The following CFAP161 variants were observed in gnomAD, a reference collection of about 807,000 sequenced individuals.
CFAP161 encodes the protein cilia- and flagella-associated protein 161.
Under a neutral mutation model 29.0 loss-of-function variants are expected in CFAP161, and 25 were observed. The observed-to-expected ratio is 0.86, with a 90% CI of 0.63 to 1.20. The LOEUF (loss-of-function observed/expected upper bound fraction) is 1.20. Ranked by LOEUF, CFAP161 falls within the 50% of genes most tolerant of loss-of-function variation. The pLI is 0.00. For synonymous variants in CFAP161, 116 were observed against 137.4 expected, an observed-to-expected ratio of 0.84 and a Z score of 1.09; for missense variants, 367 against 371.9, an observed-to-expected ratio of 0.99 and a Z score of 0.11.
intron 1 of CFAP161, among the ~76,000 whole-genome samples, chr15:81,102,927 G>T (rs778528519): frequency 3.5e-4 from 54 of 152,266 alleles, no homozygotes; most frequent in South Asian, 2.1e-4. Context: ...TATAGACATA[G>T]AACATCCAAA....
intron 5 of CFAP161, among the ~76,000 whole-genome samples, chr15:81,145,111 G>A (rs1894985150): frequency 6.6e-6 from 1 of 152,176 alleles, no homozygotes; most frequent in Non-Finnish European, 1.5e-5. Flanking sequence ...GCATGGCCAG[G>A]GTTCGCTTGC....
chr15:81,117,388 A>G (rs1403612926), intron 1 of CFAP161, among the ~76,000 whole-genome samples: 2 of 152,168 alleles, frequency 1.3e-5, no homozygotes, highest in Non-Finnish European at 2.9e-5. Context: ...AGTCTCACAC[A>G]AAAAGCTAAC....
chr15:81,129,842 C>G (rs558667867), upstream of CFAP161, among the ~76,000 whole-genome samples: 2 of 142,278 alleles, frequency 1.4e-5, no homozygotes, highest in Non-Finnish European at 3.2e-5. Flanking sequence ...TGTGAAAGTC[C>G]TAGATGACAT....
intron 5 of CFAP161, among the ~76,000 whole-genome samples, chr15:81,147,270 C>G (rs531466844): frequency 6.6e-6 from 1 of 152,062 alleles, no homozygotes; most frequent in African/African-American, 2.4e-5. Context: ...TGTTGTTGTT[C>G]TTTCTTTCTT....
chr15:81,131,054 A>G (rs1026762020), upstream of CFAP161, among the ~76,000 whole-genome samples: 9 of 151,862 alleles, frequency 5.9e-5, no homozygotes, highest in Non-Finnish European at 1.2e-4. Context: ...TGTGACACAG[A>G]GACGTGAAGT....
chr15:81,110,556 CAGACTG>C (rs1567151079), intron 1 of CFAP161, among the ~76,000 whole-genome samples: 1 of 152,164 alleles, frequency 6.6e-6, no homozygotes, highest in Non-Finnish European at 1.5e-5. Flanking sequence ...CTCTCTTAGG[CAGACTG>C]AGACTAAACA....
chr15:81,138,129 C>T lies in CFAP161; in HGVS notation c.471C>T (p.Asn157=). ...TGGGGATAACAGGAGGATTTGACAA[C>T]AAAATGGTGAGTTATCACTTTGCAT... The part of the protein sequence containing the change: ...FCLGITGGFD[N]KMLYLSSDHR... The change falls in exon 4 of 7, where the codon AAC becomes AAT. Residue 157 remains asparagine (N), a synonymous_variant. Transcript: ENST00000286732. 6.2e-7 allele frequency: 1 copy of T among 1,608,968 alleles called. No individual in the cohort carries two copies. Among genetic ancestry groups the T allele is most frequent in the Non-Finnish European group, 8.5e-7 (1 of 1,175,352 alleles).
chr15:81,146,946 T>C (rs1351938100), intron 5 of CFAP161, among the ~76,000 whole-genome samples: 3 of 146,004 alleles, frequency 2.1e-5, no homozygotes. Context: ...GGAAGATCTT[T>C]ACCTTAAAAC....
At chr15:81,133,189 A>G (rs1894736194), upstream of CFAP161, among the ~76,000 whole-genome samples, 13 of 32,522 alleles carry the variant, frequency 4.0e-4, no homozygotes, top group Admixed American at 3.6e-3. Context: ...ATATATATAT[A>G]TATATATATA....
chr15:81,144,266 T>G (rs1894968689), intron 5 of CFAP161, among the ~76,000 whole-genome samples: 1 of 152,202 alleles, frequency 6.6e-6, no homozygotes, highest in Non-Finnish European at 1.5e-5. Flanking sequence ...TCCTTCGCAC[T>G]GTTTTCGCTA....
At chr15:81,104,919 C>T (rs1164600304) in intron 1 of CFAP161, among the ~76,000 whole-genome samples, 1 of 151,670 alleles carries the variant, frequency 6.6e-6, no homozygotes, top group Admixed American at 6.5e-5. Flanking sequence ...GAAATATATT[C>T]TCCTATGGTT....
At chr15:81,133,214 TATATATATA>T (rs1353281292), upstream of CFAP161, among the ~76,000 whole-genome samples, 90 of 42,244 alleles carry the variant, frequency 2.1e-3, 2 homozygotes, top group African/African-American at 2.8e-3. Flanking sequence ...TATATATATA[TATATATATA>T]TGTATTTTTT....
At chr15:81,138,274 A>T (rs1894846609) in intron 4 of CFAP161, 139 bp downstream of exon 4, 2 of 669,944 alleles carry the variant, frequency 3.0e-6, no homozygotes, top group Non-Finnish European at 5.1e-6. Context: ...GTCAGCTTGC[A>T]GCTTTTCACA....
At chr15:81,142,355 AC>A in intron 4 of CFAP161, among the ~76,000 whole-genome samples, 1 of 151,648 alleles carries the variant, frequency 6.6e-6, no homozygotes, top group African/African-American at 2.4e-5. Flanking sequence ...AGGTCTGGTC[AC>A]CCCCATCCTC....
upstream of CFAP161, among the ~76,000 whole-genome samples, chr15:81,133,222 TATGTA>T (rs1389438082): frequency 0.025 from 694 of 27,448 alleles, 40 homozygotes; most frequent in African/African-American, 0.04. Flanking sequence ...TATATATATA[TATGTA>T]TTTTTTTTTA....
intron 1 of CFAP161, among the ~76,000 whole-genome samples, chr15:81,101,570 G>A (rs1894304781): frequency 6.6e-6 from 1 of 151,436 alleles, no homozygotes; most frequent in Admixed American, 6.6e-5. Flanking sequence ...GTGGTGGTGG[G>A]GTGATTCGTG....
intron 1 of CFAP161, among the ~76,000 whole-genome samples, chr15:81,112,772 G>A (rs1480842611): frequency 6.6e-6 from 1 of 152,070 alleles, no homozygotes; most frequent in African/African-American, 2.4e-5. Flanking sequence ...ATGTACCTGA[G>A]ACCCTAAAAT....
chr15:81,125,628 G>C (rs1266678136), intron 1 of CFAP161, among the ~76,000 whole-genome samples: 1 of 152,020 alleles, frequency 6.6e-6, no homozygotes, highest in East Asian at 1.9e-4. Flanking sequence ...TGAACTAAAA[G>C]GTATCTGGGC....
At chr15:81,129,877 C>T (rs540094935), upstream of CFAP161, among the ~76,000 whole-genome samples, 99 of 78,446 alleles carry the variant, frequency 1.3e-3, 16 homozygotes, top group African/African-American at 3.6e-3. Context: ...CTTTTTTTGC[C>T]TACATTGAAA....
Sources: allele counts gnomAD v4.1 joint callset (sites outside exome capture counted in the v4.1 genomes callset), GRCh38; gene constraint gnomAD v4.1.1; transcripts MANE v1.5; gene names NCBI Gene and HGNC (gene_info 2026-07-23, HGNC 2026-07-21).